Variants in PARP16 observed in about 807,000 individuals in gnomAD.
PARP16 encodes protein mono-ADP-ribosyltransferase PARP16.
In PARP16, 31 loss-of-function variants were observed where a neutral mutation model predicts 35.0. The ratio of observed to expected loss-of-function variants is 0.88; its 90% CI spans 0.66 to 1.19. The LOEUF (loss-of-function observed/expected upper bound fraction) is 1.19. Ranked by LOEUF, PARP16 falls within the 50% of genes most tolerant of loss-of-function variation. The pLI is 0.00. For synonymous variants in PARP16, 162 were observed against 169.5 expected (o/e 0.96, Z 0.34); for missense variants, 424 against 411.2 (o/e 1.03, Z -0.27).
intron 3 of PARP16, among the ~76,000 whole-genome samples, chr15:65,242,454 T>A (rs2089105850): frequency 6.6e-6 from 1 of 152,240 alleles, no homozygotes; most frequent in South Asian, 2.1e-4. Flanking sequence ...ATATGCCAAT[T>A]TCAGAAAATT....
Position 65,266,993 on chromosome 15 carries a change from A to G in PARP16, c.313-225T>C, listed in dbSNP as rs570862142. Among the ~76,000 whole-genome samples, 803 of 150,832 alleles carry G rather than the reference A, an allele frequency of 5.3e-3. 7 individuals are homozygous for G. Among genetic ancestry groups the G allele is most frequent in the African/African-American group, 0.018 (759 of 41,160 alleles). ...GTGGTGGCTCACACCTGTAATCCCA[A>G]AACTTTGGGAGGCCGAGGCAGGTGG... On this transcript the variant is annotated intron_variant, in intron 2 of 5. Coordinates refer to ENST00000649807, the MANE Select transcript of PARP16 (RefSeq NM_001316943.2).
chr15:65,234,387 T>C (rs2088825399), downstream of PARP16: 1 of 152,174 alleles, frequency 6.6e-6, no homozygotes, highest in South Asian at 2.1e-4. Context: ...GCTTCCAGAA[T>C]CTCCAAGACC....
downstream of PARP16, among the ~76,000 whole-genome samples, chr15:65,254,651 A>G (rs1315511470): frequency 6.6e-6 from 1 of 152,146 alleles, no homozygotes; most frequent in Non-Finnish European, 1.5e-5. Context: ...CCAGGGCCTA[A>G]GAATCACCAT....
intron 1 of PARP16, among the ~76,000 whole-genome samples, chr15:65,283,335 A>G (rs1488846977): frequency 2.0e-5 from 3 of 151,998 alleles, no homozygotes; most frequent in African/African-American, 7.3e-5. Flanking sequence ...CACTCCTCCC[A>G]AACAGGTCCC....
At chr15:65,275,141 C>T (rs931015570) in intron 1 of PARP16, among the ~76,000 whole-genome samples, 3 of 151,232 alleles carry the variant, frequency 2.0e-5, no homozygotes, top group African/African-American at 7.3e-5. Context: ...CATTCACTGT[C>T]GTAACAAAGT....
At chr15:65,244,318 A>G (rs1037119761) in intron 3 of PARP16, among the ~76,000 whole-genome samples, 2 of 152,220 alleles carry the variant, frequency 1.3e-5, no homozygotes, top group African/African-American at 2.4e-5. Context: ...CTGCTAATAA[A>G]GACATACCCA....
chr15:65,240,331 T>TGG (rs2089033178), intron 3 of PARP16, among the ~76,000 whole-genome samples: 1 of 142,488 alleles, frequency 7.0e-6, no homozygotes, highest in Non-Finnish European at 1.5e-5. Flanking sequence ...CTAGTGTGTG[T>TGG]GTGTGTGTGT....
intron 3 of PARP16, among the ~76,000 whole-genome samples, chr15:65,264,775 C>T (rs773838048): frequency 6.6e-6 from 1 of 152,206 alleles, no homozygotes; most frequent in Non-Finnish European, 1.5e-5. Context: ...GCCATGAAAA[C>T]AGTATCAGTA....
chr15:65,262,456 T>G (rs2089761342), intron 4 of PARP16, among the ~76,000 whole-genome samples: 1 of 152,214 alleles, frequency 6.6e-6, no homozygotes, highest in South Asian at 2.1e-4. Context: ...CTCTGGAGAC[T>G]GGAATGACAG....
downstream of PARP16, among the ~76,000 whole-genome samples, chr15:65,253,624 C>G (rs1277943260): frequency 6.6e-6 from 1 of 152,134 alleles, no homozygotes; most frequent in African/African-American, 2.4e-5. Flanking sequence ...GCCACCGCGC[C>G]CGGCCTTCAT....
At chr15:65,271,514 AT>A (rs1474008712) in intron 1 of PARP16, among the ~76,000 whole-genome samples, 1 of 152,012 alleles carries the variant, frequency 6.6e-6, no homozygotes. Flanking sequence ...ACCTCAAGTG[AT>A]CCCCCTGCCT....
intron 2 of PARP16, among the ~76,000 whole-genome samples, chr15:65,252,772 A>C (rs921298729): frequency 6.6e-6 from 1 of 152,174 alleles, no homozygotes; most frequent in African/African-American, 2.4e-5. Context: ...TCATTTGCAC[A>C]TGTGTATGAA....
intron 1 of PARP16, among the ~76,000 whole-genome samples, chr15:65,284,811 C>CATTTT (rs2090532505): frequency 1.4e-5 from 1 of 72,216 alleles, no homozygotes; most frequent in Non-Finnish European, 2.5e-5. Context: ...AATCCAACGT[C>CATTTT]TTTTTTTTTT....
At chr15:65,274,311 A>T (rs2090184571) in intron 1 of PARP16, among the ~76,000 whole-genome samples, 1 of 149,526 alleles carries the variant, frequency 6.7e-6, no homozygotes, top group Admixed American at 6.7e-5. Flanking sequence ...CTGTAATCCC[A>T]GCACTTTGGG....
rs1461854517 is a variant in PARP16 at position 65,284,809 on chromosome 15, G to A, written c.174+1444C>T. Among the ~76,000 whole-genome samples the A allele has an allele frequency of 2.5e-5, 3 of 122,290 alleles. No individual in the cohort carries two copies. In the East Asian group the frequency reaches 7.7e-4, roughly 31 times the overall value. The allele number at this position is 122,290 out of a possible 152,430, so 80.2% of individuals were successfully genotyped here. ...GAAAATCCTTGACTACTAATCCAAC[G>A]TCTTTTTTTTTTTTTTTTTTTTTTT... On this transcript the variant is annotated intron_variant, in intron 1 of 5. Transcript: ENST00000649807.
chr15:65,249,161 C>A (rs984030013), intron 2 of PARP16, among the ~76,000 whole-genome samples: 9 of 152,250 alleles, frequency 5.9e-5, no homozygotes, highest in African/African-American at 2.2e-4. Context: ...ATCCAAACCA[C>A]AGCATCTCAA....
intron 2 of PARP16, among the ~76,000 whole-genome samples, chr15:65,269,259 G>A (rs2140905668): frequency 6.7e-6 from 1 of 149,352 alleles, no homozygotes; most frequent in South Asian, 2.1e-4. Context: ...TGCAGTGGCG[G>A]CATCTTGGCT....
intron 2 of PARP16, among the ~76,000 whole-genome samples, chr15:65,251,963 A>G (rs533490081): frequency 2.3e-4 from 35 of 151,970 alleles, no homozygotes; most frequent in Non-Finnish European, 3.1e-4. Flanking sequence ...ACGGGGTTTC[A>G]CCGTGTTAGC....
chr15:65,245,252 C>T (rs370128939), intron 3 of PARP16, among the ~76,000 whole-genome samples: 26 of 152,224 alleles, frequency 1.7e-4, no homozygotes, highest in African/African-American at 5.3e-4. Context: ...CTCCTAACCT[C>T]CCCTGACCTG....
Sources: gnomAD v4.1 joint callset for allele counts (sites outside exome capture counted in the v4.1 genomes callset) on GRCh38, gnomAD v4.1.1 for gene constraint, MANE v1.5 for transcripts, NCBI Gene and HGNC (gene_info 2026-07-23, HGNC 2026-07-21) for gene names.